The following DMBT1 variants were observed in gnomAD, a reference collection of about 807,000 sequenced individuals.
The protein encoded by DMBT1 is scavenger receptor cysteine-rich domain-containing protein DMBT1.
DMBT1 carries 198 observed loss-of-function variants against 252.9 expected under a neutral mutation model. The observed-to-expected ratio is 0.78, with a 90% CI of 0.70 to 0.88. The LOEUF (loss-of-function observed/expected upper bound fraction) is 0.88. Ranked by LOEUF, DMBT1 falls within the 40% of genes least tolerant of loss-of-function variation. The pLI, the probability that DMBT1 is intolerant of heterozygous loss-of-function variation, is 0.00. For synonymous variants in DMBT1, 990 were observed against 942.7 expected (o/e 1.05, Z -0.92); for missense variants, 2,432 against 2,404.7 (o/e 1.01, Z -0.24).
In DMBT1 at chr10:122,592,522, G is replaced by T. The variant is rs373107630; in HGVS notation, c.2427G>T (p.Leu809=). 1.3e-6 allele frequency: 2 copies of T among 1,588,190 alleles called. No individual in the cohort carries two copies. The highest frequency in any genetic ancestry group is 1.7e-6 in the Non-Finnish European group (2 of 1,165,608). ...GCTGCTCAGGACACGAGTCCTACCT[G>T]TGGAGCTGCCCCCACAATGGCTGGC... The part of the protein sequence containing the change: ...DVRCSGHESY[L]WSCPHNGWLS... The change falls in exon 20 of 56, where the codon CTG becomes CTT. Residue 809 remains leucine, a synonymous_variant. Transcript: ENST00000338354.
rs778336161 is a variant in DMBT1, at chr10:122,621,113, C to A, written c.5341C>A (p.Arg1781=). ...LVNGGDRCRG[R]VEVLYRGSWG... ...GAATGGAGGTGACAGGTGTCGAGGC[C>A]GAGTGGAGGTCCTGTATCGAGGCTC... The change falls in exon 44 of 56, where the codon CGA becomes AGA. Residue 1781 remains arginine (R), a synonymous_variant. Transcript: ENST00000338354. The A allele has an allele frequency of 6.2e-7, 1 of 1,613,490 alleles. No individual in the cohort carries two copies. Among genetic ancestry groups the A allele is most frequent in the Admixed American group, 1.7e-5 (1 of 59,982 alleles).
chr10:122,600,966 T>C (rs1339754830), intron 27 of DMBT1, 25 bp from the exon 28 acceptor site: 1 of 755,728 alleles, frequency 1.3e-6, no homozygotes, highest in Non-Finnish European at 2.3e-6. Context: ...TCTAATTCTG[T>C]CTTTTCCTTT....
In DMBT1 at chr10:122,580,377, A is replaced by T. The variant is rs12769892; in HGVS notation, c.1003+476A>T. Among the ~76,000 whole-genome samples, 791 of 152,258 alleles carry T rather than the reference A, an allele frequency of 5.2e-3. 2 individuals carry two copies. Among genetic ancestry groups the T allele is most frequent in the Non-Finnish European group, 9.3e-3 (633 of 68,014 alleles). On this transcript the variant is annotated intron_variant, in intron 10 of 55. Transcript: ENST00000338354. Reference sequence around the variant, plus strand: ...GGAGTGCAAATGGGTGTCTGTTTGTATCAGGCCTGGGTTGCGTGGGGTTGG... The same window carrying T: ...GGAGTGCAAATGGGTGTCTGTTTGTTTCAGGCCTGGGTTGCGTGGGGTTGG...
At chr10:122,568,914 G>A (rs971752399) in intron 2 of DMBT1, among the ~76,000 whole-genome samples, 11 of 152,274 alleles carry the variant, frequency 7.2e-5, no homozygotes, top group African/African-American at 2.4e-4. Context: ...CAGGTAGTGT[G>A]GATATCACCT....
chr10:122,561,582 C>CTCTCTCTCTCTCTA (rs144834746), intron 1 of DMBT1, among the ~76,000 whole-genome samples: 2,377 of 147,540 alleles, frequency 0.016, 35 homozygotes, highest in Non-Finnish European at 0.025. Flanking sequence ...CTCTCTCTCT[C>CTCTCTCTCTCTCTA]TCTTTCTCTC....
chr10:122,625,006 G>A (rs538659804), intron 44 of DMBT1, among the ~76,000 whole-genome samples: 18 of 152,334 alleles, frequency 1.2e-4, no homozygotes, highest in African/African-American at 2.9e-4. Context: ...TGTTGTTGGC[G>A]TCTTTGAATT....
At chr10:122,600,496 G>A (rs1020070748) in intron 27 of DMBT1, among the ~76,000 whole-genome samples, 2 of 152,188 alleles carry the variant, frequency 1.3e-5, no homozygotes, top group Admixed American at 6.5e-5. Flanking sequence ...ATCCTTCACT[G>A]CTGGAAACAT....
chr10:122,598,496 G>A (rs894210792), intron 25 of DMBT1, among the ~76,000 whole-genome samples: 1 of 152,176 alleles, frequency 6.6e-6, no homozygotes, highest in African/African-American at 2.4e-5. Flanking sequence ...GCTCTGTCCT[G>A]TGTGTACCCA....
intron 42 of DMBT1, 114 bp from the exon 43 acceptor site, chr10:122,620,139 G>A (rs1016019545): frequency 1.4e-5 from 16 of 1,121,372 alleles, no homozygotes; most frequent in Non-Finnish European, 1.9e-5. Flanking sequence ...GGAGCAAGTG[G>A]CAGGAACCAG....
At position 122,576,410 on chromosome 10, in the gene DMBT1, G is replaced by C. The variant is rs754405043; in HGVS notation, c.295G>C (p.Gly99Arg). The part of the protein sequence containing the change: ...ESTVAEGSDS[G>R]LALRLVNGDG... Reference sequence around the variant, plus strand: ...GTGCCTTCCTCTAGGATCTGATTCTGGTTTGGCCCTGAGGCTGGTGAATGG... The same window carrying C: ...GTGCCTTCCTCTAGGATCTGATTCTCGTTTGGCCCTGAGGCTGGTGAATGG... Residue 99 changes from glycine (G) to arginine (R), a missense_variant, in exon 7 of 56, where the codon GGT (glycine) becomes CGT (arginine). Physicochemically the swap from Gly to Arg is moderately radical, Grantham distance 125 (BLOSUM62 -2). Transcript: ENST00000338354. 5.6e-6 allele frequency: 9 copies of C among 1,613,682 alleles called. No homozygotes were observed. The highest frequency in any genetic ancestry group is 7.6e-6 in the Non-Finnish European group (9 of 1,179,794).
chr10:122,576,779 C>T, intron 7 of DMBT1, 57 bp downstream of exon 7: 1 of 1,602,552 alleles, frequency 6.2e-7, no homozygotes, highest in Non-Finnish European at 8.5e-7. Flanking sequence ...TTAATCCCCA[C>T]ACTTTGGGAG....
intron 20 of DMBT1, 111 bp from the exon 21 acceptor site, chr10:122,593,458 G>C (rs2097868745): frequency 8.1e-7 from 1 of 1,241,920 alleles, no homozygotes; most frequent in Non-Finnish European, 1.2e-6. Context: ...TGTGTGATAG[G>C]AACTAGGATG....
rs149788698 is a variant in DMBT1, at chr10:122,579,701, C to T, written c.803C>T (p.Ala268Val). The T allele has an allele frequency of 2.2e-3, 3,504 of 1,613,872 alleles. 11 individuals are homozygous for T. The highest frequency in any genetic ancestry group is 2.3e-3 in the Non-Finnish European group (2,680 of 1,179,810). Residue 268 changes from alanine to valine, a missense_variant, in exon 10 of 56, where the codon GCC (alanine) becomes GTC (valine). Physicochemically the swap from Ala to Val is moderately conservative, Grantham distance 64. Coordinates refer to ENST00000338354, the MANE Select transcript of DMBT1 (RefSeq NM_001377530.1). ...VCDDYWDTNDANVVCRQLGCG... is the reference protein window; with the variant it reads ...VCDDYWDTNDVNVVCRQLGCG... Reference sequence around the variant, plus strand: ...GATGACTACTGGGACACCAATGATGCCAATGTGGTCTGCAGGCAGCTGGGC... The same window carrying T: ...GATGACTACTGGGACACCAATGATGTCAATGTGGTCTGCAGGCAGCTGGGC...
chr10:122,636,050 C>T lies in DMBT1; in HGVS notation c.6608C>T (p.Ser2203Phe), dbSNP rs952970432. The T allele has an allele frequency of 2.5e-6, 4 of 1,613,978 alleles. No homozygotes were observed. Among genetic ancestry groups the T allele is most frequent in the East Asian group, 4.5e-5 (2 of 44,876 alleles). The change falls in exon 53 of 56, where the codon TCC (serine) becomes TTC (phenylalanine). Residue 2203 changes from serine (S) to phenylalanine (F), a missense_variant. Physicochemically the swap from Ser to Phe is radical, Grantham distance 155. This residue lies in a region of DMBT1 where 1,162 missense variants were observed against 1,169.0 expected (regional missense o/e 0.99). Transcript: ENST00000338354. ...GTTTTCGATGGCCCCTACCGCAGTTCCCCTCTCATTGCTCGAGTTTGTGAT... is the reference window on the plus strand; with the variant it reads ...GTTTTCGATGGCCCCTACCGCAGTTTCCCTCTCATTGCTCGAGTTTGTGAT... ...IEVFDGPYRS[S>F]PLIARVCDGA...
chr10:122,586,510 C>G (rs1224614092), intron 16 of DMBT1, 127 bp downstream of exon 16: 4 of 1,407,174 alleles, frequency 2.8e-6, no homozygotes, highest in African/African-American at 1.4e-5. Flanking sequence ...CTCCTTAGCT[C>G]TCTCCTAGGA....
chr10:122,630,263 A>C, intron 47 of DMBT1, 25 bp from the exon 48 acceptor site: 1 of 1,602,618 alleles, frequency 6.2e-7, no homozygotes, highest in Middle Eastern at 1.7e-4. Context: ...TTCAATGTTG[A>C]CTTGAATACA....
chr10:122,625,391 T>TC, intron 45 of DMBT1, 88 bp downstream of exon 45: 5 of 1,304,862 alleles, frequency 3.8e-6, no homozygotes, highest in Non-Finnish European at 5.5e-6. Context: ...TAGGGTAGAC[T>TC]CCCCCTGGGG....
intron 50 of DMBT1, 37 bp from the exon 51 acceptor site, chr10:122,632,824 C>T (rs2098176928): frequency 6.2e-7 from 1 of 1,610,946 alleles, no homozygotes; most frequent in Non-Finnish European, 8.5e-7. Flanking sequence ...TCAGGGATGC[C>T]AGAAAACTGA....
intron 51 of DMBT1, 132 bp from the exon 52 acceptor site, chr10:122,633,059 T>G: frequency 6.7e-7 from 1 of 1,490,620 alleles, no homozygotes; most frequent in Non-Finnish European, 9.0e-7. Flanking sequence ...GGCCACCTCT[T>G]GCTCTTACTT....
Sources: gnomAD v4.1 joint callset for allele counts (sites outside exome capture counted in the v4.1 genomes callset) on GRCh38, gnomAD v4.1.1 for gene constraint, gnomAD v4.1.1 regional missense constraint, MANE v1.5 for transcripts, NCBI Gene and HGNC (gene_info 2026-07-23, HGNC 2026-07-21) for gene names.